The following AHDC1 variants were observed in gnomAD, a reference collection of about 807,000 sequenced individuals.
The protein encoded by AHDC1 is AT-hook DNA binding motif containing 1, also known as transcription factor Gibbin.
In AHDC1, 7 loss-of-function variants were observed where a neutral mutation model predicts 87.9. The ratio of observed to expected loss-of-function variants is 0.08; its 90% CI spans 0.05 to 0.15. The LOEUF (loss-of-function observed/expected upper bound fraction) is 0.15, where lower values mean the gene tolerates loss of function less well. AHDC1 is among the 10% of genes least tolerant of loss of function. The probability of loss-of-function intolerance (pLI) is 1.00; values close to 1 mark genes in which losing one functional copy is unlikely to be tolerated. For synonymous variants in AHDC1, 1,051 were observed against 1,006.8 expected, an observed-to-expected ratio of 1.04 and a Z score of -0.83; for missense variants, 1,841 against 2,253.2, an observed-to-expected ratio of 0.82 and a Z score of 3.70.
chr1:27,577,260 C>G (rs1472006290), intron 3 of AHDC1, among the ~76,000 whole-genome samples: 1 of 152,206 alleles, frequency 6.6e-6, no homozygotes, highest in African/African-American at 2.4e-5. Flanking sequence ...GAATGACAGA[C>G]GTGGGCATCC....
At chr1:27,592,730 C>T (rs956376137) in intron 3 of AHDC1, among the ~76,000 whole-genome samples, 3 of 152,176 alleles carry the variant, frequency 2.0e-5, no homozygotes, top group Non-Finnish European at 4.4e-5. Flanking sequence ...ATGGAGGGGC[C>T]GGAACGCAGG....
At position 27,547,937 on chromosome 1, in the gene AHDC1, G is replaced by A. The variant is rs374097223; in HGVS notation, c.4179C>T (p.Gly1393=). ...LAHPPTVFDA[G]LQKAYSPTCS... Reference sequence around the variant, plus strand: ...AGGTGGGCGAGTATGCCTTCTGCAGGCCGGCGTCAAACACCGTGGGTGGGT... The same window carrying A: ...AGGTGGGCGAGTATGCCTTCTGCAGACCGGCGTCAAACACCGTGGGTGGGT... Residue 1393 remains glycine (G), a synonymous_variant, in exon 8 of 9, where the codon GGC becomes GGT. Coordinates refer to ENST00000673934, the MANE Select transcript of AHDC1 (RefSeq NM_001371928.1). The surrounding 1 kb of genome is among the most constrained non-coding windows in gnomAD (Gnocchi z 4.9). 8.8e-6 allele frequency: 14 copies of A among 1,585,432 alleles called. No individual in the cohort carries two copies. The highest frequency in any genetic ancestry group is 1.3e-5 in the African/African-American group (1 of 74,552).
chr1:27,545,005 C>A (rs1373097881), intron 8 of AHDC1, among the ~76,000 whole-genome samples: 1 of 152,102 alleles, frequency 6.6e-6, no homozygotes, highest in Non-Finnish European at 1.5e-5. Flanking sequence ...AAAGCTGAGT[C>A]CCTTCCTGCC....
intron 8 of AHDC1, among the ~76,000 whole-genome samples, chr1:27,539,344 C>T (rs2018801390): frequency 6.6e-6 from 1 of 151,098 alleles, no homozygotes; most frequent in South Asian, 2.1e-4. Context: ...ACTATGTTGC[C>T]CAGGCTGGTC....
intron 3 of AHDC1, among the ~76,000 whole-genome samples, chr1:27,586,779 C>T (rs1021371102): frequency 2.0e-5 from 3 of 152,194 alleles, no homozygotes; most frequent in Non-Finnish European, 4.4e-5. Flanking sequence ...CACTCCAAGC[C>T]CTGCTCCCCA....
rs183845601 is a variant in AHDC1, at chr1:27,572,965, C to T, written c.-628-14082G>A. On this transcript the variant is annotated intron_variant, in intron 3 of 8. Transcript: ENST00000673934. ...AGAAGCACACAGTCTCACAGCCCCG[C>T]CTGACACAAGCTCTTATTCCTATGC... Among the ~76,000 whole-genome samples the T allele has an allele frequency of 2.1e-3, 327 of 152,354 alleles. 1 individual carries two copies. The highest frequency in any genetic ancestry group is 7.6e-3 in the African/African-American group (317 of 41,578).
chr1:27,551,429 A>G lies in AHDC1; in HGVS notation c.687T>C (p.Pro229=), dbSNP rs1200942479. ...TAAATGLPPE[P]EPDSTDYSEL... ...CTGAGTAATCAGTGCTGTCTGGCTC[A>G]GGCTCTGGGGGCAGACCCGTGGCCG... is the stretch of plus-strand genomic sequence containing the variant. The change falls in exon 8 of 9, where the codon CCT becomes CCC. Residue 229 remains proline (P), a synonymous_variant. Coordinates refer to ENST00000673934, the MANE Select transcript of AHDC1 (RefSeq NM_001371928.1). 11 of 1,613,124 alleles carry G rather than the reference A, an allele frequency of 6.8e-6. No individual in the cohort carries two copies. The highest frequency in any genetic ancestry group is 9.3e-6 in the Non-Finnish European group (11 of 1,179,940).
At position 27,590,255 on chromosome 1, in the gene AHDC1, C is replaced by T. The variant is rs550034453; in HGVS notation, c.-629+13142G>A. On this transcript the variant is annotated intron_variant, in intron 3 of 8. Coordinates refer to ENST00000673934, the MANE Select transcript of AHDC1 (RefSeq NM_001371928.1). The surrounding 1 kb of genome is among the most constrained non-coding windows in gnomAD (Gnocchi z 5.4). Reference sequence around the variant, plus strand: ...CCCTCACCCGCCAGGATGCCTGGGTCCCTGGGGCCAGGCAGCAGCGAGTTC... The same window carrying T: ...CCCTCACCCGCCAGGATGCCTGGGTTCCTGGGGCCAGGCAGCAGCGAGTTC... Among the ~76,000 whole-genome samples, 29 of 152,290 alleles carry T rather than the reference C, an allele frequency of 1.9e-4. No homozygotes were observed. The highest frequency in any genetic ancestry group is 1.4e-3 in the Admixed American group (22 of 15,304).
chr1:27,557,272 C>G (rs1168026547), intron 5 of AHDC1, among the ~76,000 whole-genome samples: 5 of 151,456 alleles, frequency 3.3e-5, no homozygotes, highest in Non-Finnish European at 7.4e-5. Flanking sequence ...CCGCCCCCCT[C>G]CCCTCCTGCC....
intron 3 of AHDC1, among the ~76,000 whole-genome samples, chr1:27,581,520 G>A (rs114162611): frequency 0.016 from 2,355 of 151,912 alleles, 64 homozygotes; most frequent in African/African-American, 0.053. Flanking sequence ...AATCTGGGCA[G>A]ATCCAAGGCC....
chr1:27,552,796 G>C (rs2019639330), intron 7 of AHDC1, 96 bp downstream of exon 7: 1 of 152,734 alleles, frequency 6.5e-6, no homozygotes, highest in Admixed American at 6.5e-5. Context: ...TCAGCAGGGT[G>C]ATCAAACTTA....
At chr1:27,566,758 C>A (rs1384079836) in intron 3 of AHDC1, among the ~76,000 whole-genome samples, 1 of 142,366 alleles carries the variant, frequency 7.0e-6, no homozygotes, top group Non-Finnish European at 1.5e-5. Context: ...TGGGTCTGGG[C>A]ATGAGGCTCA....
chr1:27,584,801 C>T (rs957444279), intron 3 of AHDC1, among the ~76,000 whole-genome samples: 5 of 152,234 alleles, frequency 3.3e-5, no homozygotes, highest in East Asian at 3.9e-4. Flanking sequence ...GTCTCCCCTT[C>T]GGCCTAGACT....
chr1:27,580,387 G>A (rs1035277529), intron 3 of AHDC1, among the ~76,000 whole-genome samples: 1 of 152,156 alleles, frequency 6.6e-6, no homozygotes, highest in African/African-American at 2.4e-5. Context: ...TACCTGATGC[G>A]TCGTCTCTCC....
At position 27,595,348 on chromosome 1, in the gene AHDC1, G is replaced by A. The variant is rs568947259; in HGVS notation, c.-629+8049C>T. Reference sequence around the variant, plus strand: ...GTCTGGGGAGGTGTCAGGGCTTTGAGGGTATGAGTCAGTGGGAAGGTAGCA... The same window carrying A: ...GTCTGGGGAGGTGTCAGGGCTTTGAAGGTATGAGTCAGTGGGAAGGTAGCA... On this transcript the variant is annotated intron_variant, in intron 3 of 8. Transcript: ENST00000673934. The surrounding 1 kb of genome is among the most constrained non-coding windows in gnomAD (Gnocchi z 4.0). Among the ~76,000 whole-genome samples the A allele has an allele frequency of 2.0e-5, 3 of 151,854 alleles. No homozygotes were observed. Among genetic ancestry groups the A allele is most frequent in the African/African-American group, 7.3e-5 (3 of 41,362 alleles).
In AHDC1 at chr1:27,550,835, G is replaced by T; in HGVS notation, c.1281C>A (p.Ala427=). 1 of 1,565,922 alleles carries T rather than the reference G, an allele frequency of 6.4e-7. No homozygotes were observed. Among genetic ancestry groups the T allele is most frequent in the East Asian group, 2.4e-5 (1 of 42,520 alleles). The change falls in exon 8 of 9, where the codon GCC becomes GCA. Residue 427 remains alanine, a synonymous_variant. Transcript: ENST00000673934. The part of the protein sequence containing the change: ...PMPTGLVAAL[A]EPPPPPPPPP... Reference sequence around the variant, plus strand: ...GAGGAGGCGGTGGTGGTGGGGGTTCGGCCAGGGCAGCCACCAGCCCCGTGG... The same window carrying T: ...GAGGAGGCGGTGGTGGTGGGGGTTCTGCCAGGGCAGCCACCAGCCCCGTGG...
At chr1:27,538,041 T>C (rs1285302096) in intron 8 of AHDC1, among the ~76,000 whole-genome samples, 2 of 152,218 alleles carry the variant, frequency 1.3e-5, no homozygotes, top group African/African-American at 4.8e-5. Context: ...GTCTAACCTC[T>C]ACTCTCTAGT....
chr1:27,547,387 G>A lies in AHDC1; in HGVS notation c.4729C>T (p.Leu1577=). The A allele has an allele frequency of 6.4e-7, 1 of 1,562,098 alleles. No homozygotes were observed. Among genetic ancestry groups the A allele is most frequent in the Non-Finnish European group, 8.7e-7 (1 of 1,153,950 alleles). ...PGFMPQAHPG[L]GGGPKSGFLG... ...AAGCCGCTCTTGGGGCCCCCACCCA[G>A]GCCAGGATGCGCCTGGGGCATAAAG... The change falls in exon 8 of 9, where the codon CTG becomes TTG. Residue 1577 remains leucine (L), a synonymous_variant. Transcript: ENST00000673934. This position sits in a 1 kb window ranked among gnomAD's most constrained non-coding sequence, Gnocchi z 4.9.
rs151218177 is a variant in AHDC1 at position 27,549,266 on chromosome 1, C to G, written c.2850G>C (p.Pro950=). ...AAETFPKLVP[P]PSAMARSPTT... ...TAGGTGAGCGGGCCATGGCTGAGGG[C>G]GGGGGCACCAGCTTGGGGAAGGTCT... The change falls in exon 8 of 9, where the codon CCG becomes CCC. Residue 950 remains proline (P), a synonymous_variant. Coordinates refer to ENST00000673934, the MANE Select transcript of AHDC1 (RefSeq NM_001371928.1). 6.2e-7 allele frequency: 1 copy of G among 1,602,894 alleles called. No homozygotes were observed.
Sources: allele counts gnomAD v4.1 joint callset (sites outside exome capture counted in the v4.1 genomes callset), GRCh38; gene constraint gnomAD v4.1.1; non-coding constraint Gnocchi (gnomAD v3.1); transcripts MANE v1.5; gene names NCBI Gene and HGNC (gene_info 2026-07-23, HGNC 2026-07-21).